Variants in TRANK1 observed in about 807,000 individuals in gnomAD.
TRANK1 encodes the protein tetratricopeptide repeat and ankyrin repeat containing 1, also known as TPR and ankyrin repeat-containing protein 1.
In TRANK1, 198 loss-of-function variants were observed where a neutral mutation model predicts 266.0. That is an observed-to-expected ratio of 0.74 (90% CI 0.66 to 0.84). The LOEUF is 0.84. TRANK1 is among the 40% of genes least tolerant of loss of function. TRANK1 has a pLI of 0.00. For synonymous variants in TRANK1, 1,396 were observed against 1,384.1 expected (o/e 1.01, Z -0.19); for missense variants, 3,326 against 3,634.6 (o/e 0.92, Z 2.18).
Position 36,864,564 on chromosome 3 carries a change from C to T in TRANK1, c.1079-84G>A, listed in dbSNP as rs576477492. The stretch of plus-strand genomic sequence containing the variant: ...CAAAAATAACCACAATTCTCCAACC[C>T]TCCACATACTCACATGCTGTGCAGT... On this transcript the variant is annotated intron_variant, in intron 9 of 23. Coordinates refer to ENST00000645898, the MANE Select transcript of TRANK1 (RefSeq NM_001329998.2). The T allele has an allele frequency of 7.8e-5, 101 of 1,296,894 alleles. No individual in the cohort carries two copies. In the East Asian group the frequency reaches 2.5e-3, roughly 32 times the overall value. The allele number at this position is 1,296,894 out of a possible 1,614,324, so 80.3% of individuals were successfully genotyped here.
At position 36,832,572 on chromosome 3, in the gene TRANK1, G is replaced by A. The variant is rs771999514; in HGVS notation, c.7011C>T (p.Phe2337=). ...CCTCCGGGTAGTTGGAAGAGAGAAG[G>A]AAAGCTTGCATGGCACTCAGCCACA... ...TDLWLSAMQA[F]LLSSNYPEEF... The change falls in exon 22 of 24, where the codon TTC becomes TTT. Residue 2337 remains phenylalanine (F), a synonymous_variant. Transcript: ENST00000645898. 6.8e-5 allele frequency: 109 copies of A among 1,613,874 alleles called. No homozygotes were observed. Among genetic ancestry groups the A allele is most frequent in the Non-Finnish European group, 9.1e-5 (107 of 1,179,904 alleles).
intron 22 of TRANK1, among the ~76,000 whole-genome samples, chr3:36,830,112 T>A (rs1301429958): frequency 2.6e-5 from 4 of 152,224 alleles, no homozygotes; most frequent in Admixed American, 6.5e-5. Flanking sequence ...ATCAGGAGTT[T>A]GAGACCAGCC....
At chr3:36,829,142 T>C (rs559096137) in intron 23 of TRANK1, among the ~76,000 whole-genome samples, 24 of 152,320 alleles carry the variant, frequency 1.6e-4, no homozygotes, top group South Asian at 2.1e-4. Context: ...TTCAGAAGTA[T>C]ATCCCCAGGC....
At chr3:36,922,610 A>G (rs2080231181) in intron 1 of TRANK1, among the ~76,000 whole-genome samples, 1 of 151,884 alleles carries the variant, frequency 6.6e-6, no homozygotes. Context: ...ATCTCAAAAA[A>G]CAAAAATACA....
intron 1 of TRANK1, among the ~76,000 whole-genome samples, chr3:36,930,771 G>A (rs75683797): frequency 0.05 from 7,606 of 152,082 alleles, 252 homozygotes; most frequent in Non-Finnish European, 0.072. Context: ...AACAGTGATT[G>A]CCAAAAAAAG....
chr3:36,855,734 T>C lies in TRANK1; in HGVS notation c.3988A>G (p.Ile1330Val). Residue 1330 changes from isoleucine (I) to valine (V), a missense_variant, in exon 13 of 24, where the codon ATA becomes GTA. Coordinates refer to ENST00000645898, the MANE Select transcript of TRANK1 (RefSeq NM_001329998.2). ...YVTFEVFKNEIWPKMTKGRTA... is the reference protein window; with the variant it reads ...YVTFEVFKNEVWPKMTKGRTA... ...CTCCCTTTGGTCATTTTGGGCCATA[T>C]TTCATTTTTGAACACCTCAAACGTC... 1.2e-6 allele frequency: 2 copies of C among 1,613,708 alleles called. No individual in the cohort carries two copies. The highest frequency in any genetic ancestry group is 1.7e-6 in the Non-Finnish European group (2 of 1,179,830).
In TRANK1 at chr3:36,944,916, G is replaced by A; in HGVS notation, c.-107C>T. 5 of 1,199,464 alleles carry A rather than the reference G, an allele frequency of 4.2e-6. No homozygotes were observed. Among genetic ancestry groups the A allele is most frequent in the Non-Finnish European group, 5.4e-6 (5 of 922,766 alleles). 74.3% of individuals were successfully genotyped at this position (1,199,464 alleles called of 1,614,324 possible). On this transcript the variant is annotated 5_prime_UTR_variant, in exon 1 of 24. Transcript: ENST00000645898. ...GGAAGCCCGAAAGCTACCGGAGCCCGGGGCAGGGGCGGCGCGATGCAGAGG... is the reference window on the plus strand; with the variant it reads ...GGAAGCCCGAAAGCTACCGGAGCCCAGGGCAGGGGCGGCGCGATGCAGAGG...
intron 1 of TRANK1, among the ~76,000 whole-genome samples, chr3:36,910,533 A>G (rs765806587): frequency 6.6e-6 from 1 of 152,118 alleles, no homozygotes; most frequent in Non-Finnish European, 1.5e-5. Context: ...TGAGGTCAGG[A>G]GTTCGAGTCC....
In TRANK1 at chr3:36,833,217, C is replaced by T. The variant is rs181860636; in HGVS notation, c.6366G>A (p.Val2122=). The T allele has an allele frequency of 2.5e-6, 4 of 1,613,982 alleles. No homozygotes were observed. The East Asian group carries it at 8.9e-5, about 36-fold the overall frequency. Residue 2122 remains valine, a synonymous_variant, in exon 22 of 24, where the codon GTG becomes GTA. Transcript: ENST00000645898. ...SCFEFFGISQ[V]DAKYCQIAQN... is the part of the protein sequence containing the mutation. ...GAGCTATCTGGCAATACTTGGCATC[C>T]ACCTGGGAAATCCCAAAAAACTCAA...
intron 8 of TRANK1, among the ~76,000 whole-genome samples, chr3:36,888,206 C>T (rs2079635236): frequency 6.6e-6 from 1 of 152,076 alleles, no homozygotes; most frequent in South Asian, 2.1e-4. Context: ...CACGGATAAA[C>T]CTTGAAAATA....
At chr3:36,846,661 T>C (rs1313544824) in intron 16 of TRANK1, among the ~76,000 whole-genome samples, 1 of 152,176 alleles carries the variant, frequency 6.6e-6, no homozygotes, top group East Asian at 1.9e-4. Flanking sequence ...AGGATGACCT[T>C]TGAATCAGCC....
intron 9 of TRANK1, among the ~76,000 whole-genome samples, chr3:36,868,619 T>G (rs1255207827): frequency 2.6e-5 from 4 of 152,174 alleles, no homozygotes; most frequent in Admixed American, 6.5e-5. Flanking sequence ...TAACTAAAAA[T>G]GCATGGAATA....
chr3:36,908,474 A>T lies in TRANK1; in HGVS notation c.24-20T>A, dbSNP rs1486436431. The T allele has an allele frequency of 8.1e-7, 1 of 1,232,030 alleles. No individual in the cohort carries two copies. The highest frequency in any genetic ancestry group is 1.0e-6 in the Non-Finnish European group (1 of 987,990). 76.3% of individuals were successfully genotyped at this position (1,232,030 alleles called of 1,614,324 possible). A position where few individuals can be genotyped will look rare whatever the true frequency, so the allele number is the denominator to read the frequency against. On this transcript the variant is annotated intron_variant, in intron 1 of 23. Coordinates refer to ENST00000645898, the MANE Select transcript of TRANK1 (RefSeq NM_001329998.2). ...TCCATCCTGTGAGGAGACGGGGGAG[A>T]CGCTTGCTGCCAGACCCGTGCAGGG...
chr3:36,908,668 T>G, intron 1 of TRANK1: 2 of 1,214,624 alleles, frequency 1.6e-6, no homozygotes, highest in Non-Finnish European at 1.0e-6. Flanking sequence ...TTCTCAAGGG[T>G]GGCCAGACCA....
At chr3:36,884,615 G>A (rs1003285102) in intron 8 of TRANK1, among the ~76,000 whole-genome samples, 1 of 152,144 alleles carries the variant, frequency 6.6e-6, no homozygotes, top group African/African-American at 2.4e-5. Flanking sequence ...CAGGGAGAAG[G>A]AACAGCTCTT....
intron 1 of TRANK1, among the ~76,000 whole-genome samples, chr3:36,937,705 G>T (rs1484308429): frequency 6.6e-6 from 1 of 152,176 alleles, no homozygotes; most frequent in Non-Finnish European, 1.5e-5. Context: ...CATAAATCTT[G>T]ACTTAGGTAT....
chr3:36,866,213 G>A (rs2079225753), intron 9 of TRANK1, among the ~76,000 whole-genome samples: 1 of 152,152 alleles, frequency 6.6e-6, no homozygotes, highest in African/African-American at 2.4e-5. Flanking sequence ...ACAGATAAGA[G>A]AGCAGAACTG....
At chr3:36,944,028 G>T (rs887944043) in intron 1 of TRANK1, among the ~76,000 whole-genome samples, 9 of 152,158 alleles carry the variant, frequency 5.9e-5, no homozygotes, top group Admixed American at 5.9e-4. Flanking sequence ...TCTCAGCCGG[G>T]TTGCAAGTGC....
intron 15 of TRANK1, chr3:36,850,346 T>C (rs2078969928): frequency 1.0e-6 from 1 of 985,310 alleles, no homozygotes; most frequent in African/African-American, 1.7e-5. Context: ...GGTTCTGGAA[T>C]TCAATTCGCA....
Sources: allele counts gnomAD v4.1 joint callset (sites outside exome capture counted in the v4.1 genomes callset), GRCh38; gene constraint gnomAD v4.1.1; transcripts MANE v1.5; gene names NCBI Gene and HGNC (gene_info 2026-07-23, HGNC 2026-07-21).